The following PKD1L1 variants were observed in gnomAD, a reference collection of about 807,000 sequenced individuals.
The protein encoded by PKD1L1 is polycystin 1 like 1, transient receptor potential channel interacting.
A neutral mutation model predicts 323.4 loss-of-function variants in PKD1L1; 236 were observed. That is an observed-to-expected ratio of 0.73 (90% confidence interval 0.66 to 0.81). The LOEUF (loss-of-function observed/expected upper bound fraction) is 0.81, where lower values mean the gene tolerates loss of function less well. Among genes scored for constraint, PKD1L1 ranks in the 40% least tolerant of loss-of-function variants. PKD1L1 has a pLI of 0.00. For synonymous variants in PKD1L1, 1,344 were observed against 1,335.0 expected (o/e 1.01, Z -0.15); for missense variants, 3,320 against 3,508.0 (o/e 0.95, Z 1.35).
At chr7:47,922,597 G>A (rs1353509463) in intron 7 of PKD1L1, among the ~76,000 whole-genome samples, 2 of 151,588 alleles carry the variant, frequency 1.3e-5, no homozygotes, top group African/African-American at 2.4e-5. Context: ...TCTCTACCCC[G>A]CCGCCACCCC....
At chr7:47,878,174 T>C (rs568793930) in intron 21 of PKD1L1, among the ~76,000 whole-genome samples, 1 of 152,334 alleles carries the variant, frequency 6.6e-6, no homozygotes, top group Non-Finnish European at 1.5e-5. Context: ...TTATTAACTA[T>C]ATTAATATCA....
chr7:47,923,207 G>C (rs1447823474), intron 7 of PKD1L1, among the ~76,000 whole-genome samples: 2 of 151,896 alleles, frequency 1.3e-5, no homozygotes, highest in Non-Finnish European at 2.9e-5. Context: ...AAGGCGGTGG[G>C]GCCCTCTGCC....
In PKD1L1 at chr7:47,888,169, C is replaced by G. The variant is rs75186400; in HGVS notation, c.2676-19G>C. The G allele has an allele frequency of 2.5e-4, 405 of 1,600,446 alleles. 1 individual carries two copies. The African/African-American group carries it at 4.9e-3, about 20-fold the overall frequency. ...GACGAATCTGAAATATATAAATTGG[C>G]TTGAGATCTTAGGAAAATAATGTGA... is the stretch of plus-strand genomic sequence containing the variant. On this transcript the variant is annotated intron_variant, in intron 16 of 56. Coordinates refer to ENST00000289672, the MANE Select transcript of PKD1L1 (RefSeq NM_138295.5).
chr7:47,792,851 CT>C (rs1472938089), intron 55 of PKD1L1, 54 bp from the exon 56 acceptor site: 33 of 1,501,726 alleles, frequency 2.2e-5, no homozygotes, highest in Non-Finnish European at 2.8e-5. Flanking sequence ...CATTATCCCC[CT>C]TTCCTCATTA....
the PKD1L1 span, among the ~76,000 whole-genome samples, chr7:47,956,193 T>C: frequency 6.6e-6 from 1 of 152,184 alleles, no homozygotes; most frequent in South Asian, 2.1e-4. Flanking sequence ...ATGGTTCTGT[T>C]TGATCATAAC....
At chr7:47,892,128 A>C (rs147181145) in intron 15 of PKD1L1, among the ~76,000 whole-genome samples, 153 of 152,324 alleles carry the variant, frequency 1.0e-3, no homozygotes, top group African/African-American at 3.5e-3. Context: ...TAAGTGAGCA[A>C]AGGCTCGATG....
intron 33 of PKD1L1, among the ~76,000 whole-genome samples, chr7:47,844,306 G>A (rs569243619): frequency 6.6e-6 from 1 of 152,162 alleles, no homozygotes; most frequent in East Asian, 1.9e-4. Flanking sequence ...AAATAATAAA[G>A]TAAGGTAGAG....
upstream of PKD1L1, among the ~76,000 whole-genome samples, chr7:47,951,697 A>G (rs1788207729): frequency 6.6e-6 from 1 of 152,228 alleles, no homozygotes; most frequent in South Asian, 2.1e-4. Context: ...TTGAAGATGT[A>G]ATAGATGGCA....
intron 46 of PKD1L1, among the ~76,000 whole-genome samples, chr7:47,817,869 C>CA (rs200789984): frequency 3.3e-5 from 5 of 149,886 alleles, no homozygotes; most frequent in African/African-American, 9.8e-5. Flanking sequence ...GGCTCTGTCT[C>CA]AAAAAAAAAA....
chr7:47,838,272 A>T (rs1024528016), intron 36 of PKD1L1, among the ~76,000 whole-genome samples: 2 of 152,206 alleles, frequency 1.3e-5, no homozygotes, highest in South Asian at 2.1e-4. Flanking sequence ...TGGGCCTCTC[A>T]TCAACGCAGG....
intron 34 of PKD1L1, among the ~76,000 whole-genome samples, chr7:47,841,783 T>A (rs1428719466): frequency 6.6e-6 from 1 of 152,202 alleles, no homozygotes; most frequent in Non-Finnish European, 1.5e-5. Context: ...CACCCCACCA[T>A]TTTTTACTGT....
At chr7:47,881,185 G>C (rs1378125538) in intron 20 of PKD1L1, among the ~76,000 whole-genome samples, 6 of 152,040 alleles carry the variant, frequency 3.9e-5, no homozygotes, top group Non-Finnish European at 8.8e-5. Context: ...TAAGTCTGCA[G>C]AATACTGGTT....
chr7:47,886,201 G>C, intron 17 of PKD1L1, 147 bp from the exon 18 acceptor site: 2 of 1,127,466 alleles, frequency 1.8e-6, no homozygotes, highest in Middle Eastern at 3.0e-4. Context: ...ACAGGGCAGA[G>C]AGTGTGGTGT....
At chr7:47,928,290 A>G (rs1037632102) in intron 7 of PKD1L1, among the ~76,000 whole-genome samples, 3 of 152,066 alleles carry the variant, frequency 2.0e-5, no homozygotes, top group Admixed American at 1.3e-4. Context: ...GCCGGGGGGG[A>G]AGGTGCAGTG....
At chr7:47,871,634 C>T (rs985214910) in intron 24 of PKD1L1, among the ~76,000 whole-genome samples, 8 of 152,112 alleles carry the variant, frequency 5.3e-5, no homozygotes, top group Non-Finnish European at 8.8e-5. Flanking sequence ...CACAAACATC[C>T]AAAACGTAAC....
At position 47,832,755 on chromosome 7, in the gene PKD1L1, C is replaced by T. The variant is rs370843871; in HGVS notation, c.6337+335G>A. ...CTCTACCAGCTCATTGCTGAGATTC[C>T]AGCATAATTGGAAGCTGGGACTATC... On this transcript the variant is annotated intron_variant, in intron 41 of 56. Coordinates refer to ENST00000289672, the MANE Select transcript of PKD1L1 (RefSeq NM_138295.5). 8.7e-4 allele frequency among the ~76,000 whole-genome samples: 133 copies of T among 152,350 alleles called. 1 individual carries two copies. The highest frequency in any genetic ancestry group is 3.2e-3 in the African/African-American group (132 of 41,584).
At chr7:47,958,994 G>A in the PKD1L1 span, among the ~76,000 whole-genome samples, 46 of 152,352 alleles carry the variant, frequency 3.0e-4, no homozygotes, top group African/African-American at 7.5e-4. Context: ...ACTGGTTTTC[G>A]TATTTTTTTG....
At chr7:47,838,985 A>G (rs575445633) in intron 36 of PKD1L1, among the ~76,000 whole-genome samples, 1 of 152,152 alleles carries the variant, frequency 6.6e-6, no homozygotes, top group Non-Finnish European at 1.5e-5. Context: ...ACATGCAAAA[A>G]TCACGACTTC....
intron 21 of PKD1L1, 125 bp from the exon 22 acceptor site, chr7:47,877,756 C>A: frequency 8.9e-7 from 1 of 1,121,278 alleles, no homozygotes; most frequent in Non-Finnish European, 1.2e-6. Flanking sequence ...CCAGCAGCAT[C>A]GGACTAACCT....
Sources: gnomAD v4.1 joint callset for allele counts (sites outside exome capture counted in the v4.1 genomes callset) on GRCh38, gnomAD v4.1.1 for gene constraint, MANE v1.5 for transcripts, NCBI Gene and HGNC (gene_info 2026-07-23, HGNC 2026-07-21) for gene names.